The following XYLT1 variants were observed in gnomAD, a reference collection of about 807,000 sequenced individuals.
XYLT1 encodes beta-D-xylosyltransferase 1.
A neutral mutation model predicts 91.3 loss-of-function variants in XYLT1; 36 were observed. The ratio of observed to expected loss-of-function variants is 0.39; its 90% CI spans 0.30 to 0.52. The LOEUF is 0.52. XYLT1 is among the 20% of genes least tolerant of loss of function. XYLT1 has a pLI of 0.68. For missense variants in XYLT1, 1,242 were observed against 1,284.5 expected (o/e 0.97, Z 0.51); for synonymous variants, 588 against 532.0 (o/e 1.11, Z -1.45).
At chr16:17,299,600 G>A (rs897232655) in intron 2 of XYLT1, among the ~76,000 whole-genome samples, 4 of 152,260 alleles carry the variant, frequency 2.6e-5, no homozygotes, top group African/African-American at 7.2e-5. Context: ...AGCTGAGGTC[G>A]CCATATGTGG....
At chr16:17,426,019 T>C (rs2036313827) in intron 1 of XYLT1, among the ~76,000 whole-genome samples, 1 of 152,168 alleles carries the variant, frequency 6.6e-6, no homozygotes, top group Non-Finnish European at 1.5e-5. Context: ...ACAAAGTAAG[T>C]GAGCAATGCA....
In XYLT1 at chr16:17,394,230, G is replaced by A. The variant is rs544702374; in HGVS notation, c.364-36180C>T. Reference sequence around the variant, plus strand: ...TCACTGCTCTAGCCACATTTCCAGGGCTCCTGATATAGCCCCATGTGGCTG... The same window carrying A: ...TCACTGCTCTAGCCACATTTCCAGGACTCCTGATATAGCCCCATGTGGCTG... On this transcript the variant is annotated intron_variant, in intron 1 of 11. Transcript: ENST00000261381. Among the ~76,000 whole-genome samples the A allele has an allele frequency of 1.3e-4, 20 of 152,242 alleles. No homozygotes were observed. In the South Asian group the frequency reaches 3.9e-3, roughly 30 times the overall value.
chr16:17,379,755 T>TCACACACACACACA (rs1164558348), intron 1 of XYLT1, among the ~76,000 whole-genome samples: 12 of 130,422 alleles, frequency 9.2e-5, no homozygotes, highest in Admixed American at 1.5e-4. Context: ...TCTCTCTCTC[T>TCACACACACACACA]CTCTCTCTCA....
chr16:17,262,227 A>C (rs897164982), intron 2 of XYLT1, among the ~76,000 whole-genome samples: 10 of 152,210 alleles, frequency 6.6e-5, no homozygotes, highest in African/African-American at 2.4e-4. Context: ...GCTAGGTGCC[A>C]TGCTAAGCCC....
chr16:17,162,144 A>T (rs1044630730), intron 5 of XYLT1, among the ~76,000 whole-genome samples: 1 of 152,130 alleles, frequency 6.6e-6, no homozygotes, highest in Non-Finnish European at 1.5e-5. Context: ...GTGGTAGCTC[A>T]TGCCTGTAAT....
chr16:17,401,463 C>T (rs944169625), intron 1 of XYLT1, among the ~76,000 whole-genome samples: 2 of 152,134 alleles, frequency 1.3e-5, no homozygotes, highest in Non-Finnish European at 2.9e-5. Flanking sequence ...TTGAGCTTAC[C>T]GATGTAACTA....
At chr16:17,230,416 T>A (rs1015484526) in intron 3 of XYLT1, among the ~76,000 whole-genome samples, 4 of 152,152 alleles carry the variant, frequency 2.6e-5, no homozygotes, top group African/African-American at 9.7e-5. Flanking sequence ...AGTTCCGATG[T>A]CCCCATTTTA....
At chr16:17,238,731 C>A (rs912936499) in intron 3 of XYLT1, among the ~76,000 whole-genome samples, 9 of 152,242 alleles carry the variant, frequency 5.9e-5, no homozygotes, top group African/African-American at 2.2e-4. Flanking sequence ...CCTTCTGGCT[C>A]TTAGTCATGC....
At chr16:17,184,288 G>A (rs1004559266) in intron 5 of XYLT1, among the ~76,000 whole-genome samples, 2 of 149,526 alleles carry the variant, frequency 1.3e-5, no homozygotes, top group Admixed American at 6.8e-5. Context: ...ATAGAGAGCC[G>A]CTGCCAAGAG....
intron 1 of XYLT1, among the ~76,000 whole-genome samples, chr16:17,460,665 G>GT (rs2036807815): frequency 6.6e-6 from 1 of 152,202 alleles, no homozygotes. Flanking sequence ...TGGGTCTGCA[G>GT]TATCACCATT....
chr16:17,418,602 C>A (rs997489420), intron 1 of XYLT1, among the ~76,000 whole-genome samples: 2 of 152,032 alleles, frequency 1.3e-5, no homozygotes, highest in African/African-American at 2.4e-5. Context: ...AATCCTAGCA[C>A]TTTTGGAGGC....
chr16:17,119,154 C>T (rs2029959460), intron 10 of XYLT1, among the ~76,000 whole-genome samples: 1 of 152,156 alleles, frequency 6.6e-6, no homozygotes, highest in East Asian at 1.9e-4. Flanking sequence ...GTTCCCTGCT[C>T]TTTCTTGGTG....
Position 17,312,261 on chromosome 16 carries a change from G to A in XYLT1, c.402+45751C>T, listed in dbSNP as rs1042099739. Among the ~76,000 whole-genome samples the A allele has an allele frequency of 1.2e-4, 18 of 152,140 alleles. No homozygotes were observed. Among genetic ancestry groups the A allele is most frequent in the African/African-American group, 4.3e-4 (18 of 41,428 alleles). ...CAGAGCTCAGGCCAGGTAGGAGGGA[G>A]ATCCAGGGGAAGGGTAGGGCCTGGA... On this transcript the variant is annotated intron_variant, in intron 2 of 11. Coordinates refer to ENST00000261381, the MANE Select transcript of XYLT1 (RefSeq NM_022166.4). This position sits in a 1 kb window ranked among gnomAD's most constrained non-coding sequence, Gnocchi z 4.4.
chr16:17,379,763 T>TCTCACA (rs373354877), intron 1 of XYLT1, among the ~76,000 whole-genome samples: 64 of 125,622 alleles, frequency 5.1e-4, no homozygotes, highest in African/African-American at 1.2e-3. Context: ...TCTCTCTCTC[T>TCTCACA]CACACACACA....
At chr16:17,269,072 C>G (rs747951152) in intron 2 of XYLT1, among the ~76,000 whole-genome samples, 1 of 152,254 alleles carries the variant, frequency 6.6e-6, no homozygotes, top group African/African-American at 2.4e-5. Context: ...AGTCCTTGAT[C>G]AAACTCTAGT....
chr16:17,367,454 C>A (rs778158038), intron 1 of XYLT1, among the ~76,000 whole-genome samples: 3 of 152,206 alleles, frequency 2.0e-5, no homozygotes, highest in Non-Finnish European at 2.9e-5. Context: ...GGCCGCAGCA[C>A]CTATCAATTT....
intron 3 of XYLT1, among the ~76,000 whole-genome samples, 165 bp downstream of exon 3, chr16:17,258,823 A>C (rs752316887): frequency 1.3e-5 from 2 of 151,950 alleles, no homozygotes; most frequent in African/African-American, 2.4e-5. Flanking sequence ...CAAGACTTCA[A>C]CACTCAGGGA....
At chr16:17,430,639 A>T (rs548799663) in intron 1 of XYLT1, among the ~76,000 whole-genome samples, 409 of 152,290 alleles carry the variant, frequency 2.7e-3, no homozygotes, top group Non-Finnish European at 4.8e-3. Context: ...CAACCTAACC[A>T]GACCCTATGA....
intron 6 of XYLT1, among the ~76,000 whole-genome samples, chr16:17,145,155 CATA>C (rs1423003318): frequency 6.6e-6 from 1 of 152,216 alleles, no homozygotes; most frequent in Admixed American, 6.5e-5. Context: ...TTTTGCTTCG[CATA>C]ATGTTTTCCA....
Sources: gnomAD v4.1 joint callset for allele counts (sites outside exome capture counted in the v4.1 genomes callset) on GRCh38, gnomAD v4.1.1 for gene constraint, Gnocchi (gnomAD v3.1) non-coding constraint, MANE v1.5 for transcripts, NCBI Gene and HGNC (gene_info 2026-07-23, HGNC 2026-07-21) for gene names.